IQSEC1: variants seen among roughly 807,000 people sequenced by gnomAD.
IQSEC1 encodes the protein IQ motif and Sec7 domain ArfGEF 1.
A neutral mutation model predicts 91.0 loss-of-function variants in IQSEC1; 31 were observed. That is an observed-to-expected ratio of 0.34 (90% CI 0.26 to 0.46). The LOEUF is 0.46. IQSEC1 is among the 20% of genes least tolerant of loss of function. The pLI, the probability that IQSEC1 is intolerant of heterozygous loss-of-function variation, is 1.00. For missense variants in IQSEC1, 1,388 were observed against 1,575.6 expected (o/e 0.88, Z 2.02); for synonymous variants, 699 against 662.6 (o/e 1.05, Z -0.84).
At chr3:13,006,797 C>T (rs529100481) in intron 1 of IQSEC1, among the ~76,000 whole-genome samples, 3 of 152,306 alleles carry the variant, frequency 2.0e-5, no homozygotes, top group South Asian at 2.1e-4. Flanking sequence ...GTCCATGGGC[C>T]GCTGGGGAAC....
chr3:12,984,992 T>C (rs1036926523), intron 1 of IQSEC1, among the ~76,000 whole-genome samples: 1 of 151,552 alleles, frequency 6.6e-6, no homozygotes, highest in Non-Finnish European at 1.5e-5. Flanking sequence ...GCCCGGCTAA[T>C]TTTTTGTATT....
At chr3:13,141,903 A>G (rs1706805146) in intron 2 of IQSEC1, among the ~76,000 whole-genome samples, 1 of 152,214 alleles carries the variant, frequency 6.6e-6, no homozygotes, top group Non-Finnish European at 1.5e-5. Flanking sequence ...CTTGACTGTC[A>G]GAGCTGGGAG....
At chr3:13,237,839 G>A (rs955309349) in intron 1 of IQSEC1, among the ~76,000 whole-genome samples, 20 of 152,230 alleles carry the variant, frequency 1.3e-4, no homozygotes, top group African/African-American at 4.6e-4. Flanking sequence ...AGCTCAGCTC[G>A]GAGGAGACCA....
At chr3:13,050,516 A>T (rs766801270) in intron 1 of IQSEC1, among the ~76,000 whole-genome samples, 67 of 152,236 alleles carry the variant, frequency 4.4e-4, no homozygotes. Flanking sequence ...CATATTTGAG[A>T]TACATCATTA....
intron 1 of IQSEC1, among the ~76,000 whole-genome samples, chr3:13,229,812 C>G (rs1188319940): frequency 6.6e-6 from 1 of 152,228 alleles, no homozygotes; most frequent in Non-Finnish European, 1.5e-5. Flanking sequence ...AGGGCTCTGC[C>G]TAGACACACC....
intron 1 of IQSEC1, among the ~76,000 whole-genome samples, chr3:13,036,983 G>A (rs1704060774): frequency 1.3e-5 from 2 of 152,174 alleles, no homozygotes; most frequent in Non-Finnish European, 2.9e-5. Context: ...TCTTACTGTG[G>A]AGGGCCTGGA....
rs571793574 is a variant in IQSEC1 at position 13,169,061 on chromosome 3, T to C, written c.273-4928A>G. ...TTAAAACAACATGTATCTCTCACCA[T>C]ATACAAAAATTAACTCAGGGTGGGT... On this transcript the variant is annotated intron_variant, in intron 1 of 15. Transcript: ENST00000648114. 1.8e-4 allele frequency among the ~76,000 whole-genome samples: 27 copies of C among 152,336 alleles called. No individual in the cohort carries two copies. The South Asian group carries it at 5.6e-3, about 32-fold the overall frequency.
chr3:12,962,899 A>C (rs754338846), intron 1 of IQSEC1, among the ~76,000 whole-genome samples: 4 of 152,242 alleles, frequency 2.6e-5, no homozygotes, highest in Non-Finnish European at 4.4e-5. Flanking sequence ...CATGTTGGGA[A>C]TCCTGATACC....
intron 1 of IQSEC1, among the ~76,000 whole-genome samples, chr3:13,202,182 G>T (rs1021909621): frequency 6.6e-6 from 1 of 152,190 alleles, no homozygotes. Flanking sequence ...TGAAGAAATT[G>T]GAATCCTTGT....
chr3:12,911,417 T>C (rs1273169219), intron 10 of IQSEC1, among the ~76,000 whole-genome samples: 2 of 152,238 alleles, frequency 1.3e-5, no homozygotes, highest in Non-Finnish European at 1.5e-5. Context: ...TGAGTGTCTG[T>C]CCAGTGTTAT....
rs753273955 is a variant in IQSEC1, at chr3:12,915,122, C to T, written c.2172G>A (p.Leu724=). The change falls in exon 8 of 14, where the codon CTG becomes CTA. Residue 724 remains leucine (L), a synonymous_variant. Transcript: ENST00000613206. ...LIVGKKPIGS[L]HPGLGCVLSL... The stretch of plus-strand genomic sequence containing the variant: ...TACTCACACAGCCGAGCCCGGGATG[C>T]AGGGATCCGATCTGCGGGAGAATGT... 1.2e-6 allele frequency: 2 copies of T among 1,609,010 alleles called. No homozygotes were observed. Among genetic ancestry groups the T allele is most frequent in the Non-Finnish European group, 1.7e-6 (2 of 1,177,240 alleles).
At position 12,942,873 on chromosome 3, in the gene IQSEC1, CGAG is replaced by C. The variant is rs3834193; in HGVS notation, c.24-1011_24-1009del. Reference sequence around the variant, plus strand: ...ACAGAGGGAGCAGCATGCGAGGACCCGAGGAGGAGAAGACCACCTGCAGGCCAA... The same window carrying C: ...ACAGAGGGAGCAGCATGCGAGGACCCGAGGAGAAGACCACCTGCAGGCCAA... On this transcript the variant is annotated intron_variant, in intron 1 of 13. Coordinates refer to ENST00000613206, the MANE Select transcript of IQSEC1 (RefSeq NM_001134382.3). 1.7e-4 allele frequency among the ~76,000 whole-genome samples: 26 copies of C among 152,268 alleles called. No homozygotes were observed. In the East Asian group the frequency reaches 3.5e-3, roughly 20 times the overall value.
At chr3:13,227,331 G>A (rs963832712) in intron 1 of IQSEC1, among the ~76,000 whole-genome samples, 5 of 129,496 alleles carry the variant, frequency 3.9e-5, no homozygotes, top group African/African-American at 1.3e-4. Flanking sequence ...AGCCGAGATT[G>A]CGCCATTGCA....
intron 1 of IQSEC1, among the ~76,000 whole-genome samples, chr3:13,244,595 C>A (rs191015828): frequency 6.6e-6 from 1 of 152,288 alleles, no homozygotes; most frequent in East Asian, 1.9e-4. Context: ...CAAAAAATGT[C>A]TGGTTCAGGC....
intron 1 of IQSEC1, among the ~76,000 whole-genome samples, chr3:12,963,082 C>A (rs1345376690): frequency 6.6e-6 from 1 of 152,248 alleles, no homozygotes; most frequent in East Asian, 1.9e-4. Context: ...CTCTAGCACT[C>A]TAGCAACTTT....
At chr3:12,969,734 C>A (rs1169213749) in intron 1 of IQSEC1, among the ~76,000 whole-genome samples, 1 of 152,194 alleles carries the variant, frequency 6.6e-6, no homozygotes, top group East Asian at 1.9e-4. Flanking sequence ...CTTCTCCAGG[C>A]CCAGGGCCCT....
intron 1 of IQSEC1, among the ~76,000 whole-genome samples, chr3:13,179,021 T>C (rs1693787075): frequency 6.6e-6 from 1 of 152,210 alleles, no homozygotes; most frequent in Admixed American, 6.5e-5. Context: ...GATGGCTTCC[T>C]TGCCCCTCCC....
intron 1 of IQSEC1, among the ~76,000 whole-genome samples, chr3:12,948,344 T>C (rs1699317133): frequency 6.6e-6 from 1 of 152,222 alleles, no homozygotes; most frequent in African/African-American, 2.4e-5. Flanking sequence ...CTGCCTGCTG[T>C]TGAGACCCTC....
chr3:13,099,280 TA>T (rs1160974207), intron 2 of IQSEC1, among the ~76,000 whole-genome samples: 3 of 152,186 alleles, frequency 2.0e-5, no homozygotes, highest in African/African-American at 7.2e-5. Context: ...CAGGGTCCAC[TA>T]GGGGCACCAG....
Sources: allele counts gnomAD v4.1 joint callset (sites outside exome capture counted in the v4.1 genomes callset), GRCh38; gene constraint gnomAD v4.1.1; transcripts MANE v1.5; gene names NCBI Gene and HGNC (gene_info 2026-07-23, HGNC 2026-07-21).